CEP170: variants seen among roughly 807,000 people sequenced by gnomAD.
CEP170 encodes the protein centrosomal protein of 170 kDa.
CEP170 carries 21 observed loss-of-function variants against 151.9 expected under a neutral mutation model. That is an observed-to-expected ratio of 0.14 (90% CI 0.10 to 0.20). The LOEUF is 0.20. CEP170 is among the 10% of genes least tolerant of loss of function. The pLI is 1.00. For synonymous variants in CEP170, 356 were observed against 648.8 expected (o/e 0.55, Z 6.86); for missense variants, 964 against 1,892.9 (o/e 0.51, Z 9.11).
At chr1:243,148,659 G>A (rs1339060723) in intron 14 of CEP170, among the ~76,000 whole-genome samples, 1 of 152,134 alleles carries the variant, frequency 6.6e-6, no homozygotes, top group Admixed American at 6.5e-5. Context: ...GTACAATAAA[G>A]AATAAGAAGT....
chr1:243,152,212 A>G (rs183506680), intron 14 of CEP170, among the ~76,000 whole-genome samples: 1 of 150,472 alleles, frequency 6.6e-6, no homozygotes, highest in Non-Finnish European at 1.5e-5. Context: ...TGGATCAAGG[A>G]GCCATTTTGA....
intron 7 of CEP170, among the ~76,000 whole-genome samples, chr1:243,197,212 G>A (rs1447581482): frequency 3.3e-5 from 5 of 152,054 alleles, no homozygotes; most frequent in Non-Finnish European, 7.4e-5. Flanking sequence ...CAGACCTAAG[G>A]ATTAGACAGA....
At chr1:243,204,190 T>G (rs908138888) in intron 4 of CEP170, among the ~76,000 whole-genome samples, 3 of 152,188 alleles carry the variant, frequency 2.0e-5, no homozygotes, top group African/African-American at 7.2e-5. Flanking sequence ...ATCAACCACA[T>G]AGATAAGGAA....
intron 4 of CEP170, among the ~76,000 whole-genome samples, chr1:243,206,147 C>G (rs1053764359): frequency 3.9e-5 from 6 of 151,976 alleles, no homozygotes; most frequent in African/African-American, 9.7e-5. Context: ...AACTTTTTTT[C>G]TTTTTTGAGA....
rs539016028 is a variant in CEP170 at position 243,229,747 on chromosome 1, A to C, written c.-41-4426T>G. 8.5e-5 allele frequency among the ~76,000 whole-genome samples: 13 copies of C among 152,300 alleles called. No individual in the cohort carries two copies. In the South Asian group the frequency reaches 2.3e-3, roughly 27 times the overall value. ...AAACCAATACAAAAGCTGGCCACCT[A>C]CTTCAATACCCACGGACCTAAGAAA... On this transcript the variant is annotated intron_variant, in intron 1 of 19. Coordinates refer to ENST00000366542, the MANE Select transcript of CEP170 (RefSeq NM_014812.3).
At chr1:243,179,640 T>C (rs2059490189) in intron 10 of CEP170, among the ~76,000 whole-genome samples, 1 of 152,212 alleles carries the variant, frequency 6.6e-6, no homozygotes, top group African/African-American at 2.4e-5. Flanking sequence ...ATCTATAAAT[T>C]CATTGAAATA....
chr1:243,190,289 C>G (rs2060228072), intron 8 of CEP170, among the ~76,000 whole-genome samples: 1 of 152,066 alleles, frequency 6.6e-6, no homozygotes, highest in African/African-American at 2.4e-5. Flanking sequence ...AATCTATACT[C>G]AATTCTAAAA....
chr1:243,128,374 C>T (rs937232355), intron 18 of CEP170, 74 bp from the exon 19 acceptor site: 123 of 1,312,644 alleles, frequency 9.4e-5, no homozygotes, highest in Non-Finnish European at 1.2e-4. Flanking sequence ...ATGAATTTCA[C>T]TCTCACTTTA....
intron 2 of CEP170, among the ~76,000 whole-genome samples, chr1:243,222,690 A>G (rs904893167): frequency 6.6e-6 from 1 of 152,208 alleles, no homozygotes; most frequent in Admixed American, 6.5e-5. Flanking sequence ...CAACATGGAA[A>G]GAATCTGAAG....
chr1:243,226,062 T>TAA (rs200819716), intron 1 of CEP170, among the ~76,000 whole-genome samples: 16 of 106,984 alleles, frequency 1.5e-4, no homozygotes, highest in African/African-American at 4.3e-4. Context: ...TATCTAGATA[T>TAA]ATATATCTAT....
intron 13 of CEP170, among the ~76,000 whole-genome samples, chr1:243,161,058 C>T (rs1371476981): frequency 6.7e-6 from 1 of 149,622 alleles, no homozygotes; most frequent in Non-Finnish European, 1.5e-5. Flanking sequence ...CGCAGTGGCT[C>T]ATGCCTGTAA....
At position 243,136,187 on chromosome 1, in the gene CEP170, A is replaced by G; in HGVS notation, c.4275T>C (p.Ser1425=). The stretch of plus-strand genomic sequence containing the variant: ...TATCTATAGATTGTCTTATCTTCTT[A>G]GAGAACTGAAAGACGGATGACAGCA... ...NLLLSSVFQF[S]KKIRQSIDKT... Residue 1425 remains serine, a synonymous_variant, in exon 17 of 20, where the codon TCT becomes TCC. Transcript: ENST00000366542. 6.5e-7 allele frequency: 1 copy of G among 1,537,426 alleles called. No individual in the cohort carries two copies. Among genetic ancestry groups the G allele is most frequent in the Non-Finnish European group, 8.8e-7 (1 of 1,140,586 alleles).
intron 1 of CEP170, among the ~76,000 whole-genome samples, chr1:243,235,254 T>G (rs919584936): frequency 6.6e-6 from 1 of 152,150 alleles, no homozygotes; most frequent in Admixed American, 6.5e-5. Flanking sequence ...CGGGTGGTGC[T>G]CTTCAGGCCG....
At chr1:243,192,297 G>A (rs943803974) in intron 7 of CEP170, among the ~76,000 whole-genome samples, 5 of 152,130 alleles carry the variant, frequency 3.3e-5, no homozygotes, top group Non-Finnish European at 5.9e-5. Flanking sequence ...AGATTAACAT[G>A]AGTTGGCAGA....
rs1486572981 is a variant in CEP170, at chr1:243,185,594, A to G, written c.1566+185T>C. On this transcript the variant is annotated intron_variant, in intron 10 of 19. Coordinates refer to ENST00000366542, the MANE Select transcript of CEP170 (RefSeq NM_014812.3). This position sits in a 1 kb window ranked among gnomAD's most constrained non-coding sequence, Gnocchi z 4.9. Reference sequence around the variant, plus strand: ...TGTATGAAACTCAGGTAAATTCAGAATATCAGCAAATAAAATCACAAAGCA... The same window carrying G: ...TGTATGAAACTCAGGTAAATTCAGAGTATCAGCAAATAAAATCACAAAGCA... Among the ~76,000 whole-genome samples, 2 of 152,208 alleles carry G rather than the reference A, an allele frequency of 1.3e-5. No individual in the cohort carries two copies. Among genetic ancestry groups the G allele is most frequent in the Admixed American group, 6.5e-5 (1 of 15,276 alleles).
chr1:243,227,003 A>G (rs111893493), intron 1 of CEP170, among the ~76,000 whole-genome samples: 16 of 152,294 alleles, frequency 1.1e-4, no homozygotes, highest in African/African-American at 3.6e-4. Flanking sequence ...AAAACAAAAA[A>G]AGAAAATCCA....
chr1:243,125,714 G>A lies in CEP170; in HGVS notation c.*735C>T, dbSNP rs189517679. The stretch of plus-strand genomic sequence containing the variant: ...TTTTGAAAGTGGAGTAAAACACTGT[G>A]GGCTTAAAACAAATACAGTATTATC... On this transcript the variant is annotated 3_prime_UTR_variant, in exon 20 of 20. Coordinates refer to ENST00000366542, the MANE Select transcript of CEP170 (RefSeq NM_014812.3). 6.4e-6 allele frequency: 1 copy of A among 156,658 alleles called. No individual in the cohort carries two copies. Among genetic ancestry groups the A allele is most frequent in the African/African-American group, 2.4e-5 (1 of 41,488 alleles). 9.7% of individuals were successfully genotyped at this position (156,658 alleles called of 1,614,324 possible). A position where few individuals can be genotyped will look rare whatever the true frequency, so the allele number is the denominator to read the frequency against.
chr1:243,186,314 T>C lies in CEP170; in HGVS notation c.1217A>G (p.Glu406Gly). The C allele has an allele frequency of 1.2e-6, 2 of 1,613,798 alleles. No homozygotes were observed. The change falls in exon 9 of 20, where the codon GAA (glutamate) becomes GGA (glycine). Residue 406 changes from glutamate (E) to glycine (G), a missense_variant. Physicochemically the swap from Glu to Gly is moderately conservative, Grantham distance 98. Transcript: ENST00000366542. ...LEEHLRRHHSEHKKLQKVQAT... is the reference protein window; with the variant it reads ...LEEHLRRHHSGHKKLQKVQAT... Reference sequence around the variant, plus strand: ...CTGGACCTTCTGTAGCTTTTTGTGTTCTGAATGGTGGCGTCTTAAGTGTTC... The same window carrying C: ...CTGGACCTTCTGTAGCTTTTTGTGTCCTGAATGGTGGCGTCTTAAGTGTTC...
intron 17 of CEP170, among the ~76,000 whole-genome samples, chr1:243,130,452 T>A (rs1247657381): frequency 6.6e-6 from 1 of 152,064 alleles, no homozygotes; most frequent in Non-Finnish European, 1.5e-5. Context: ...ATCAAATAAC[T>A]TATAAAATAA....
Sources: gnomAD v4.1 joint callset for allele counts (sites outside exome capture counted in the v4.1 genomes callset) on GRCh38, gnomAD v4.1.1 for gene constraint, Gnocchi (gnomAD v3.1) non-coding constraint, MANE v1.5 for transcripts, NCBI Gene and HGNC (gene_info 2026-07-23, HGNC 2026-07-21) for gene names.